Variants in ALDH1A2 observed in about 807,000 individuals in gnomAD.
The protein encoded by ALDH1A2 is aldehyde dehydrogenase 1 family member A2, also known as retinal dehydrogenase 2.
ALDH1A2 carries 27 observed loss-of-function variants against 60.3 expected under a neutral mutation model. That is an observed-to-expected ratio of 0.45 (90% confidence interval 0.33 to 0.62). ALDH1A2 has a LOEUF of 0.62. ALDH1A2 is among the 20% of genes least tolerant of loss of function. The pLI is 0.02. For missense variants in ALDH1A2, 581 were observed against 643.8 expected, an observed-to-expected ratio of 0.90 and a Z score of 1.06; for synonymous variants, 289 against 232.4, an observed-to-expected ratio of 1.24 and a Z score of -2.21.
At chr15:57,955,473 G>T (rs1265774062) in intron 12 of ALDH1A2, among the ~76,000 whole-genome samples, 1 of 151,042 alleles carries the variant, frequency 6.6e-6, no homozygotes, top group Admixed American at 6.6e-5. Flanking sequence ...TTTTAAAGAA[G>T]TTTTTTTAAA....
chr15:58,042,378 C>G (rs547579034), intron 1 of ALDH1A2, among the ~76,000 whole-genome samples: 1 of 152,056 alleles, frequency 6.6e-6, no homozygotes, highest in African/African-American at 2.4e-5. Flanking sequence ...AGAACAAATA[C>G]TATGCCACTA....
intron 1 of ALDH1A2, among the ~76,000 whole-genome samples, chr15:58,035,000 C>G (rs1896340946): frequency 6.6e-6 from 1 of 151,562 alleles, no homozygotes; most frequent in South Asian, 2.1e-4. Flanking sequence ...TGAGTTAGTG[C>G]TCCCTCTGCT....
chr15:58,064,224 T>C (rs551656940), intron 1 of ALDH1A2, among the ~76,000 whole-genome samples: 2 of 152,282 alleles, frequency 1.3e-5, no homozygotes, highest in African/African-American at 4.8e-5. Flanking sequence ...GTGCCACACA[T>C]TGGCACTATT....
At chr15:57,983,722 C>T (rs1469917984) in intron 7 of ALDH1A2, among the ~76,000 whole-genome samples, 1 of 152,116 alleles carries the variant, frequency 6.6e-6, no homozygotes, top group Non-Finnish European at 1.5e-5. Flanking sequence ...TCTCCATGCT[C>T]CCATAACACA....
chr15:57,969,371 G>A (rs1276237530), intron 7 of ALDH1A2, among the ~76,000 whole-genome samples: 1 of 152,178 alleles, frequency 6.6e-6, no homozygotes, highest in Admixed American at 6.5e-5. Context: ...TTAAATTACA[G>A]TTCCTCAGTA....
chr15:57,975,841 C>G (rs1010589655), intron 7 of ALDH1A2, among the ~76,000 whole-genome samples: 8 of 151,784 alleles, frequency 5.3e-5, no homozygotes, highest in African/African-American at 1.7e-4. Context: ...AGAGATAAGA[C>G]AGAGAGATTA....
At chr15:58,059,424 C>A (rs987711978) in intron 1 of ALDH1A2, among the ~76,000 whole-genome samples, 3 of 152,164 alleles carry the variant, frequency 2.0e-5, no homozygotes, top group Non-Finnish European at 4.4e-5. Flanking sequence ...CATATGTTAT[C>A]TTGGACAGTC....
chr15:58,062,352 T>C lies in ALDH1A2; in HGVS notation c.117+3182A>G, dbSNP rs77197623. 3.6e-3 allele frequency among the ~76,000 whole-genome samples: 548 copies of C among 151,972 alleles called. 1 individual carries two copies. The highest frequency in any genetic ancestry group is 6.8e-3 in the Middle Eastern group (2 of 292). On this transcript the variant is annotated intron_variant, in intron 1 of 12. Coordinates refer to ENST00000249750, the MANE Select transcript of ALDH1A2 (RefSeq NM_003888.4). ...AGACCGGTACAGCCAGAAGAGAAGA[T>C]AGAGCCAAGAAAGAAGGTCGAAGTG... is the stretch of plus-strand genomic sequence containing the variant.
chr15:58,058,989 A>T (rs1896960354), intron 1 of ALDH1A2, among the ~76,000 whole-genome samples: 1 of 152,228 alleles, frequency 6.6e-6, no homozygotes, highest in African/African-American at 2.4e-5. Context: ...TGGAATTTTC[A>T]AAGCCTGGAA....
In ALDH1A2 at chr15:58,055,032, G is replaced by A. The variant is rs1896861855; in HGVS notation, c.117+10502C>T. ...AATGAAATATGGGATTTGTAGTTGA[G>A]GAACTGGGCTTGGGGTTTCCTATGA... On this transcript the variant is annotated intron_variant, in intron 1 of 12. Coordinates refer to ENST00000249750, the MANE Select transcript of ALDH1A2 (RefSeq NM_003888.4). 2.0e-5 allele frequency among the ~76,000 whole-genome samples: 3 copies of A among 152,074 alleles called. No homozygotes were observed. In the South Asian group the frequency reaches 6.2e-4, roughly 32 times the overall value.
chr15:57,997,165 G>A (rs2140496913), intron 4 of ALDH1A2, among the ~76,000 whole-genome samples: 1 of 152,106 alleles, frequency 6.6e-6, no homozygotes. Flanking sequence ...ACTGTCCATA[G>A]GATGACAGTA....
intron 7 of ALDH1A2, among the ~76,000 whole-genome samples, chr15:57,974,609 A>G (rs1260366705): frequency 6.6e-6 from 1 of 152,088 alleles, no homozygotes; most frequent in Non-Finnish European, 1.5e-5. Flanking sequence ...TTACCTCTCA[A>G]CATACACAAA....
At chr15:58,015,029 A>G (rs1895750920) in intron 1 of ALDH1A2, among the ~76,000 whole-genome samples, 1 of 152,232 alleles carries the variant, frequency 6.6e-6, no homozygotes, top group Non-Finnish European at 1.5e-5. Flanking sequence ...TTTGTAATAA[A>G]TGAGTTAAAG....
chr15:58,004,402 G>C (rs1057098444), intron 4 of ALDH1A2, among the ~76,000 whole-genome samples: 1 of 151,742 alleles, frequency 6.6e-6, no homozygotes, highest in Non-Finnish European at 1.5e-5. Flanking sequence ...TGAGCCTTGG[G>C]CTTCTAGTGC....
At chr15:57,971,984 T>G (rs1463703042) in intron 7 of ALDH1A2, among the ~76,000 whole-genome samples, 1 of 152,150 alleles carries the variant, frequency 6.6e-6, no homozygotes, top group African/African-American at 2.4e-5. Flanking sequence ...CTGGTCTTGA[T>G]CTCCCAAAGT....
At chr15:58,051,141 C>T (rs577586044) in intron 1 of ALDH1A2, among the ~76,000 whole-genome samples, 17 of 152,168 alleles carry the variant, frequency 1.1e-4, no homozygotes, top group Admixed American at 7.9e-4. Context: ...AGCAAATAAT[C>T]GTATTTAAAG....
intron 1 of ALDH1A2, among the ~76,000 whole-genome samples, chr15:58,049,909 C>T (rs1017916994): frequency 6.6e-6 from 1 of 152,034 alleles, no homozygotes; most frequent in Non-Finnish European, 1.5e-5. Flanking sequence ...TGCCTATCTT[C>T]CCTAGGTTCA....
At chr15:57,962,230 A>G (rs1246223758) in intron 9 of ALDH1A2, 54 bp from the exon 10 acceptor site, 10 of 1,587,862 alleles carry the variant, frequency 6.3e-6, no homozygotes, top group Non-Finnish European at 7.8e-6. Context: ...GAAAATGGAA[A>G]TAAGTATGTT....
chr15:57,973,777 C>G (rs1894148081), intron 7 of ALDH1A2, among the ~76,000 whole-genome samples: 1 of 152,208 alleles, frequency 6.6e-6, no homozygotes, highest in South Asian at 2.1e-4. Flanking sequence ...ATTAGTTCCC[C>G]TCCAAATGAA....
Sources: allele counts gnomAD v4.1 joint callset (sites outside exome capture counted in the v4.1 genomes callset), GRCh38; gene constraint gnomAD v4.1.1; transcripts MANE v1.5; gene names NCBI Gene and HGNC (gene_info 2026-07-23, HGNC 2026-07-21).